Variants in CROCC2 observed in about 807,000 individuals in gnomAD.
CROCC2 encodes the protein ciliary rootlet coiled-coil protein 2.
Under a neutral mutation model 177.6 loss-of-function variants are expected in CROCC2, and 163 were observed. That is an observed-to-expected ratio of 0.92 (90% CI 0.81 to 1.05). The LOEUF is 1.05. Ranked by LOEUF, CROCC2 falls within the 50% of genes least tolerant of loss-of-function variation. The pLI, the probability that CROCC2 is intolerant of heterozygous loss-of-function variation, is 0.00. For missense variants in CROCC2, 1,929 were observed against 1,797.8 expected (o/e 1.07, Z -1.32); for synonymous variants, 904 against 787.3 (o/e 1.15, Z -2.48).
chr2:240,948,225 T>A (rs1468142784), intron 15 of CROCC2, among the ~76,000 whole-genome samples: 1 of 151,570 alleles, frequency 6.6e-6, no homozygotes, highest in African/African-American at 2.4e-5. Flanking sequence ...TCTCTGGGGG[T>A]TCTGACCTGA....
At position 240,973,000 on chromosome 2, in the gene CROCC2, T is replaced by C. The variant is rs2059732526; in HGVS notation, c.4401+4738T>C. Among the ~76,000 whole-genome samples, 1 of 152,088 alleles carries C rather than the reference T, an allele frequency of 6.6e-6. No individual in the cohort carries two copies. The highest frequency in any genetic ancestry group is 1.5e-5 in the Non-Finnish European group (1 of 68,006). ...CTCCCTGCTGCCCCATGCCCCTTGC[T>C]GAGCAGGGGGGTGCTAGGGTCCAGT... On this transcript the variant is annotated intron_variant, in intron 27 of 31. Transcript: ENST00000690015. The surrounding 1 kb of genome is among the most constrained non-coding windows in gnomAD (Gnocchi z 7.1).
In CROCC2 at chr2:240,927,323, C is replaced by T. The variant is rs572415600; in HGVS notation, c.645+1443C>T. Among the ~76,000 whole-genome samples the T allele has an allele frequency of 5.9e-5, 9 of 152,268 alleles. No homozygotes were observed. In the South Asian group the frequency reaches 1.5e-3, roughly 25 times the overall value. On this transcript the variant is annotated intron_variant, in intron 5 of 31. Transcript: ENST00000690015. ...TTTAGGGTTCGCGGAACCTCTGTGT[C>T]GCTTGTTATTTTGGGGAAGTCAATA... is the stretch of plus-strand genomic sequence containing the variant.
rs759909349 is a variant in CROCC2, at chr2:240,963,730, G to A, written c.3262G>A (p.Glu1088Lys). The stretch of plus-strand genomic sequence containing the variant: ...GGACGTACTGTTGCTTTTCAACAGC[G>A]AGCTGCGGGCCACCATCTGCAGGGC... ...EKDVLLLFNSELRATICRAEQ... is the reference protein window; with the variant it reads ...EKDVLLLFNSKLRATICRAEQ... The change falls in exon 21 of 32, where the codon GAG becomes AAG. Residue 1088 changes from glutamate to lysine, a missense_variant. Coordinates refer to ENST00000690015, the MANE Select transcript of CROCC2 (RefSeq NM_001351305.2). The A allele has an allele frequency of 9.0e-6, 14 of 1,550,068 alleles. No individual in the cohort carries two copies. The highest frequency in any genetic ancestry group is 2.7e-5 in the African/African-American group (2 of 73,046).
chr2:240,976,388 G>C (rs2059765808), intron 27 of CROCC2, among the ~76,000 whole-genome samples: 3 of 123,304 alleles, frequency 2.4e-5, no homozygotes, highest in South Asian at 6.0e-4. Context: ...TCTGGGGTAG[G>C]AGCCTCTGGA....
rs2059425116 is a variant in CROCC2, at chr2:240,930,937, CG to C, written c.757del (p.Ala253LeufsTer19). Reference sequence around the variant, plus strand: ...TGCTGCCCTTGTCTCCCAGGGGCCTCGCTGACCTGCAGGCAGACACGGCCAG... The same window carrying C: ...TGCTGCCCTTGTCTCCCAGGGGCCTCCTGACCTGCAGGCAGACACGGCCAG... ...ELRVATERGL[A>X]DLQADTARTA... On this transcript the variant is annotated frameshift_variant, in exon 7 of 32. Transcript: ENST00000690015. LOFTEE classifies it high-confidence loss of function. The C allele has an allele frequency of 1.4e-6, 1 of 710,780 alleles. No individual in the cohort carries two copies. Among genetic ancestry groups the C allele is most frequent in the African/African-American group, 1.7e-5 (1 of 57,146 alleles). The allele number at this position is 710,780 out of a possible 1,614,324, so 44.0% of individuals were successfully genotyped here.
At chr2:240,974,046 C>T (rs925314275) in intron 27 of CROCC2, among the ~76,000 whole-genome samples, 12 of 152,340 alleles carry the variant, frequency 7.9e-5, no homozygotes, top group Non-Finnish European at 1.3e-4. Context: ...TTATCTTACA[C>T]ATTCAATACG....
intron 20 of CROCC2, among the ~76,000 whole-genome samples, chr2:240,962,024 ACACACGCACGCACACACG>A (rs1559606559): frequency 0.019 from 587 of 31,364 alleles, 5 homozygotes; most frequent in Non-Finnish European, 0.033. Flanking sequence ...ACACACACAC[ACACACGCACGCACACACG>A]CGCACACACA....
chr2:240,966,373 CT>C lies in CROCC2; in HGVS notation c.4113del (p.Phe1371LeufsTer22). On this transcript the variant is annotated frameshift_variant, in exon 25 of 32. Transcript: ENST00000690015. LOFTEE classifies it high-confidence loss of function. Reference protein sequence around the residue: ...VATVQDILRDFVQKLREAQRE... With the variant: ...VATVQDILRDXVQKLREAQRE... ...CCACCGTGCAGGACATCCTGCGGGA[CT>C]TTGTGCAGAAGCTCCGGGAAGCCCA... is the stretch of plus-strand genomic sequence containing the variant. 2.5e-6 allele frequency: 1 copy of C among 402,286 alleles called. No individual in the cohort carries two copies. Among genetic ancestry groups the C allele is most frequent in the Non-Finnish European group, 4.4e-6 (1 of 227,334 alleles). 24.9% of individuals were successfully genotyped at this position (402,286 alleles called of 1,614,324 possible).
chr2:240,963,419 G>A (rs2059656087), intron 20 of CROCC2, 137 bp from the exon 21 acceptor site: 2 of 886,636 alleles, frequency 2.3e-6, no homozygotes, highest in East Asian at 2.7e-5. Flanking sequence ...GGCTCCATGG[G>A]GTGAGCAAAG....
At position 240,935,361 on chromosome 2, in the gene CROCC2, G is replaced by C; in HGVS notation, c.1942G>C (p.Glu648Gln). ...SALNHLALQL[E>Q]QERDQLREQR... ...AGCCCCCGACACCTGGTGGCAGCTGGAGCAGGAGCGGGACCAGCTGCGGGA... is the reference window on the plus strand; with the variant it reads ...AGCCCCCGACACCTGGTGGCAGCTGCAGCAGGAGCGGGACCAGCTGCGGGA... The change falls in exon 14 of 32, where the codon GAG (glutamate) becomes CAG (glutamine). Residue 648 changes from glutamate (E) to glutamine (Q), a missense_variant. Coordinates refer to ENST00000690015, the MANE Select transcript of CROCC2 (RefSeq NM_001351305.2). The C allele has an allele frequency of 1.5e-6, 2 of 1,357,548 alleles. No individual in the cohort carries two copies. The highest frequency in any genetic ancestry group is 9.5e-7 in the Non-Finnish European group (1 of 1,048,742). The allele number at this position is 1,357,548 out of a possible 1,614,324, so 84.1% of individuals were successfully genotyped here.
chr2:240,911,447 G>A (rs997810443), intron 1 of CROCC2, among the ~76,000 whole-genome samples: 27 of 151,950 alleles, frequency 1.8e-4, no homozygotes, highest in Non-Finnish European at 3.1e-4. Flanking sequence ...ACAGGCACAC[G>A]CCACCATGCC....
rs1450346524 is a variant in CROCC2 at position 240,917,683 on chromosome 2, T to C, written c.79-1043T>C. On this transcript the variant is annotated intron_variant, in intron 1 of 31. Coordinates refer to ENST00000690015, the MANE Select transcript of CROCC2 (RefSeq NM_001351305.2). This position sits in a 1 kb window ranked among gnomAD's most constrained non-coding sequence, Gnocchi z 4.9. Reference sequence around the variant, plus strand: ...GTGCCATGCTGGAGAGCCCTAGGAGTGGACATCCCCTCCCAGCTTCCCCTG... The same window carrying C: ...GTGCCATGCTGGAGAGCCCTAGGAGCGGACATCCCCTCCCAGCTTCCCCTG... 1.3e-5 allele frequency among the ~76,000 whole-genome samples: 2 copies of C among 151,838 alleles called. No homozygotes were observed.
rs765654807 is a variant in CROCC2, at chr2:240,964,585, G to A, written c.3425G>A (p.Gly1142Glu). The A allele has an allele frequency of 1.1e-4, 166 of 1,548,134 alleles. No individual in the cohort carries two copies. Among genetic ancestry groups the A allele is most frequent in the Middle Eastern group, 7.4e-4 (4 of 5,392 alleles). ...RAHLWELEQA[G>E]GDARQELREL... Reference sequence around the variant, plus strand: ...CACCTGTGGGAGCTGGAGCAGGCAGGGGGGGACGCCCGTCAGGAGCTCCGG... The same window carrying A: ...CACCTGTGGGAGCTGGAGCAGGCAGAGGGGGACGCCCGTCAGGAGCTCCGG... Residue 1142 changes from glycine (G) to glutamate (E), a missense_variant, in exon 22 of 32, where the codon GGG becomes GAG. By Grantham distance (98) the Gly-to-Glu change is moderately conservative. This residue lies in a region of CROCC2 where 1,397 missense variants were observed against 1,239.9 expected (regional missense o/e 1.13). Transcript: ENST00000690015.
intron 5 of CROCC2, among the ~76,000 whole-genome samples, chr2:240,928,734 G>T (rs373750084): frequency 7.2e-6 from 1 of 139,064 alleles, no homozygotes; most frequent in Non-Finnish European, 1.7e-5. Context: ...CTCGGAGGGC[G>T]TGCAGACAGG....
Position 240,949,168 on chromosome 2 carries a change from A to T in CROCC2, c.2482+71A>T, listed in dbSNP as rs1403286506. ...TGGAGGGGCCCCTGGAATGGAGCTCAGTGCCCACACGTGCTGCACCCCCTC... is the reference window on the plus strand; with the variant it reads ...TGGAGGGGCCCCTGGAATGGAGCTCTGTGCCCACACGTGCTGCACCCCCTC... On this transcript the variant is annotated intron_variant, in intron 16 of 31. Coordinates refer to ENST00000690015, the MANE Select transcript of CROCC2 (RefSeq NM_001351305.2). The surrounding 1 kb of genome is among the most constrained non-coding windows in gnomAD (Gnocchi z 4.5). 6.8e-7 allele frequency: 1 copy of T among 1,464,996 alleles called. No homozygotes were observed. The highest frequency in any genetic ancestry group is 1.4e-5 in the African/African-American group (1 of 70,402). 90.7% of individuals were successfully genotyped at this position (1,464,996 alleles called of 1,614,324 possible).
intron 25 of CROCC2, among the ~76,000 whole-genome samples, chr2:240,966,997 C>T (rs529755405): frequency 1.3e-5 from 2 of 152,208 alleles, no homozygotes; most frequent in East Asian, 1.9e-4. Context: ...CTGCACTCAG[C>T]CCCAAGTCCC....
chr2:240,949,064 C>T lies in CROCC2; in HGVS notation c.2449C>T (p.Arg817Trp), dbSNP rs780975388. ...GCAGGAGCAGCTGGAGGAGGAAGCC[C>T]GGAGCGCAGGACTCGCGCGGCAGGC... is the stretch of plus-strand genomic sequence containing the variant. Reference protein sequence around the residue: ...KLQEQLEEEARSAGLARQALQ... With the variant: ...KLQEQLEEEAWSAGLARQALQ... The change falls in exon 16 of 32, where the codon CGG becomes TGG. Residue 817 changes from arginine (R) to tryptophan (W), a missense_variant. By Grantham distance (101) the Arg-to-Trp change is moderately radical. Around this residue, in one of 3 missense-constraint regions of CROCC2, gnomAD observed 1,397 missense variants for 1,239.9 expected, o/e 1.13. Transcript: ENST00000690015. The surrounding 1 kb of genome is among the most constrained non-coding windows in gnomAD (Gnocchi z 4.5). 127 of 1,548,386 alleles carry T rather than the reference C, an allele frequency of 8.2e-5. No individual in the cohort carries two copies. Among genetic ancestry groups the T allele is most frequent in the African/African-American group, 1.9e-4 (14 of 72,966 alleles).
rs756621691 is a variant in CROCC2, at chr2:240,950,525, G to T, written c.2829+15G>T. The stretch of plus-strand genomic sequence containing the variant: ...AGATGCAACAGGTGATGGTGAGGCT[G>T]GGGGGCAGCGGGATTGCTCACACCC... On this transcript the variant is annotated intron_variant, in intron 18 of 31. Coordinates refer to ENST00000690015, the MANE Select transcript of CROCC2 (RefSeq NM_001351305.2). 1.2e-5 allele frequency: 18 copies of T among 1,539,364 alleles called. No individual in the cohort carries two copies. The South Asian group carries it at 2.1e-4, about 18-fold the overall frequency.
Position 240,955,862 on chromosome 2 carries a change from C to T in CROCC2, c.2833C>T (p.Leu945=), listed in dbSNP as rs1267830140. ...LQLEHKMQQA[L]SLKETERSLL... is the part of the protein sequence containing the mutation. ...AAGCATACCCCGTCCTGTTCAGGCC[C>T]TGTCCCTGAAAGAAACAGAGCGGAG... The change falls in exon 19 of 32, where the codon CTG becomes TTG. Residue 945 remains leucine (L), a synonymous_variant. Transcript: ENST00000690015. The T allele has an allele frequency of 6.5e-7, 1 of 1,534,600 alleles. No individual in the cohort carries two copies. Among genetic ancestry groups the T allele is most frequent in the Non-Finnish European group, 8.7e-7 (1 of 1,146,516 alleles).
Sources: gnomAD v4.1 joint callset for allele counts (sites outside exome capture counted in the v4.1 genomes callset) on GRCh38, gnomAD v4.1.1 for gene constraint, gnomAD v4.1.1 regional missense constraint, Gnocchi (gnomAD v3.1) non-coding constraint, MANE v1.5 for transcripts, NCBI Gene and HGNC (gene_info 2026-07-23, HGNC 2026-07-21) for gene names.